The following NXPH1 variants were observed in gnomAD, a reference collection of about 807,000 sequenced individuals.
The protein encoded by NXPH1 is neurexophilin 1, also known as neurexophilin-1.
In NXPH1, 5 loss-of-function variants were observed where a neutral mutation model predicts 23.7. The ratio of observed to expected loss-of-function variants is 0.21; its 90% CI spans 0.11 to 0.44. The LOEUF is 0.44. Among genes scored for constraint, NXPH1 ranks in the 20% least tolerant of loss-of-function variants. The probability of loss-of-function intolerance (pLI) is 0.99; values close to 1 mark genes in which losing one functional copy is unlikely to be tolerated. For synonymous variants in NXPH1, 144 were observed against 122.2 expected, an observed-to-expected ratio of 1.18 and a Z score of -1.18; for missense variants, 324 against 321.6, an observed-to-expected ratio of 1.01 and a Z score of -0.06.
intron 2 of NXPH1, among the ~76,000 whole-genome samples, chr7:8,693,123 GTC>G (rs1176856577): frequency 6.6e-6 from 1 of 152,164 alleles, no homozygotes; most frequent in East Asian, 1.9e-4. Context: ...AGAAGGGAGA[GTC>G]TCATTCTCCA....
intron 2 of NXPH1, among the ~76,000 whole-genome samples, chr7:8,581,607 G>A (rs1818874401): frequency 6.6e-6 from 1 of 152,110 alleles, no homozygotes; most frequent in South Asian, 2.1e-4. Context: ...ATTTGAGTGG[G>A]GATACAAATC....
At chr7:8,479,781 A>G (rs759275808) in intron 2 of NXPH1, among the ~76,000 whole-genome samples, 10 of 152,140 alleles carry the variant, frequency 6.6e-5, no homozygotes, top group South Asian at 2.1e-4. Context: ...AGAACCTCCA[A>G]TTGGGACAAT....
intron 2 of NXPH1, among the ~76,000 whole-genome samples, chr7:8,489,295 C>T (rs1448895806): frequency 6.6e-6 from 1 of 152,012 alleles, no homozygotes; most frequent in African/African-American, 2.4e-5. Context: ...CTTCTTCATT[C>T]TAGGGAGTCT....
intron 2 of NXPH1, among the ~76,000 whole-genome samples, chr7:8,556,248 C>G (rs983342629): frequency 4.0e-5 from 6 of 151,672 alleles, no homozygotes; most frequent in Non-Finnish European, 8.9e-5. Context: ...CTACTGCTGC[C>G]TAACAAACTA....
At chr7:8,716,022 G>A (rs572618106) in intron 2 of NXPH1, among the ~76,000 whole-genome samples, 9 of 152,080 alleles carry the variant, frequency 5.9e-5, no homozygotes, top group African/African-American at 2.2e-4. Flanking sequence ...TACAATGGTG[G>A]GTTGTAGGTG....
At chr7:8,476,545 A>G (rs1263030768) in intron 2 of NXPH1, among the ~76,000 whole-genome samples, 2 of 151,050 alleles carry the variant, frequency 1.3e-5, no homozygotes, top group East Asian at 3.9e-4. Context: ...ATATAGATTC[A>G]TATTTGGTGT....
chr7:8,588,000 C>G (rs1162745190), intron 2 of NXPH1, among the ~76,000 whole-genome samples: 4 of 152,102 alleles, frequency 2.6e-5, no homozygotes, highest in African/African-American at 9.7e-5. Flanking sequence ...TGAAAAAAAG[C>G]TCATCATCAC....
chr7:8,630,890 C>T lies in NXPH1; in HGVS notation c.55-120118C>T, dbSNP rs1583205664. Among the ~76,000 whole-genome samples, 2 of 152,172 alleles carry T rather than the reference C, an allele frequency of 1.3e-5. 1 individual carries two copies. Among genetic ancestry groups the T allele is most frequent in the South Asian group, 4.1e-4 (2 of 4,822 alleles). ...TCATCACCAGGCATTAAGCCTAGTA[C>T]CCATCAGTTATTTTTCCTGATCCTC... On this transcript the variant is annotated intron_variant, in intron 2 of 2. Coordinates refer to ENST00000405863, the MANE Select transcript of NXPH1 (RefSeq NM_152745.3).
At chr7:8,567,757 G>C (rs942264038) in intron 2 of NXPH1, among the ~76,000 whole-genome samples, 2 of 151,790 alleles carry the variant, frequency 1.3e-5, no homozygotes, top group Non-Finnish European at 2.9e-5. Flanking sequence ...TGTGGAGTGT[G>C]ATGTTCTTAT....
intron 2 of NXPH1, among the ~76,000 whole-genome samples, chr7:8,459,004 T>C (rs1249000770): frequency 6.6e-6 from 1 of 152,136 alleles, no homozygotes. Flanking sequence ...GGGAGCATTC[T>C]TACTCATAAA....
intron 2 of NXPH1, among the ~76,000 whole-genome samples, chr7:8,717,760 C>A (rs1020452741): frequency 2.6e-5 from 4 of 152,176 alleles, no homozygotes; most frequent in Middle Eastern, 3.4e-3. Flanking sequence ...TTAATAATGA[C>A]AAACTTCTTG....
intron 2 of NXPH1, among the ~76,000 whole-genome samples, chr7:8,455,665 A>G (rs1004652619): frequency 6.6e-6 from 1 of 152,180 alleles, no homozygotes; most frequent in Non-Finnish European, 1.5e-5. Flanking sequence ...TGGAATTTCA[A>G]CTGTCATAGG....
chr7:8,435,238 G>T lies in NXPH1; in HGVS notation c.-110-366G>T, dbSNP rs1464429934. Reference sequence around the variant, plus strand: ...TGCCAGGGCTGGCGAAGAACCAGCCGCCGCCTTTAGTCCGAGCCGCCGGGC... The same window carrying T: ...TGCCAGGGCTGGCGAAGAACCAGCCTCCGCCTTTAGTCCGAGCCGCCGGGC... On this transcript the variant is annotated intron_variant, in intron 1 of 2. Coordinates refer to ENST00000405863, the MANE Select transcript of NXPH1 (RefSeq NM_152745.3). The surrounding 1 kb of genome is among the most constrained non-coding windows in gnomAD (Gnocchi z 5.9). The T allele has an allele frequency of 1.8e-5, 4 of 217,144 alleles. No individual in the cohort carries two copies. Among genetic ancestry groups the T allele is most frequent in the Non-Finnish European group, 2.8e-5 (3 of 108,830 alleles). 13.5% of individuals were successfully genotyped at this position (217,144 alleles called of 1,614,324 possible). A position where few individuals can be genotyped will look rare whatever the true frequency, so the allele number is the denominator to read the frequency against.
chr7:8,655,127 G>A (rs914075406), intron 2 of NXPH1, among the ~76,000 whole-genome samples: 2 of 152,138 alleles, frequency 1.3e-5, no homozygotes, highest in Admixed American at 6.5e-5. Flanking sequence ...GCTTATGTCT[G>A]TAAACCTAGC....
intron 2 of NXPH1, among the ~76,000 whole-genome samples, chr7:8,481,188 G>T (rs1024023075): frequency 2.6e-5 from 4 of 152,124 alleles, no homozygotes; most frequent in African/African-American, 9.7e-5. Flanking sequence ...TGATTATACT[G>T]GTCAACTCCT....
intron 2 of NXPH1, among the ~76,000 whole-genome samples, chr7:8,597,828 G>C (rs1202620280): frequency 6.6e-6 from 1 of 152,042 alleles, no homozygotes; most frequent in Non-Finnish European, 1.5e-5. Context: ...ACAGAAAATT[G>C]CACAACACTT....
intron 2 of NXPH1, among the ~76,000 whole-genome samples, chr7:8,622,272 T>C (rs753927609): frequency 1.3e-5 from 2 of 152,146 alleles, no homozygotes; most frequent in African/African-American, 2.4e-5. Context: ...CCCCAACAGA[T>C]TGTGAATGAG....
chr7:8,633,276 C>T (rs112275989), intron 2 of NXPH1, among the ~76,000 whole-genome samples: 4,515 of 152,210 alleles, frequency 0.03, 238 homozygotes, highest in East Asian at 0.17. Flanking sequence ...ACTAAAAATA[C>T]AAAAAGCCGG....
At chr7:8,449,296 T>C (rs1425191003) in intron 2 of NXPH1, among the ~76,000 whole-genome samples, 2 of 152,214 alleles carry the variant, frequency 1.3e-5, no homozygotes, top group African/African-American at 4.8e-5. Context: ...TCCAAGGCAT[T>C]GCCCTGGGTA....
Sources: gnomAD v4.1 joint callset for allele counts (sites outside exome capture counted in the v4.1 genomes callset) on GRCh38, gnomAD v4.1.1 for gene constraint, Gnocchi (gnomAD v3.1) non-coding constraint, MANE v1.5 for transcripts, NCBI Gene and HGNC (gene_info 2026-07-23, HGNC 2026-07-21) for gene names.